The following FTO variants were observed in gnomAD, a reference collection of about 807,000 sequenced individuals.
The protein encoded by FTO is alpha-ketoglutarate-dependent dioxygenase FTO.
FTO carries 47 observed loss-of-function variants against 63.9 expected under a neutral mutation model. The ratio of observed to expected loss-of-function variants is 0.74; its 90% CI spans 0.58 to 0.94. The LOEUF is 0.94. Ranked by LOEUF, FTO falls within the 40% of genes least tolerant of loss-of-function variation. The pLI is 0.00. For missense variants in FTO, 562 were observed against 618.1 expected (o/e 0.91, Z 0.96); for synonymous variants, 207 against 224.4 (o/e 0.92, Z 0.69).
chr16:54,062,673 C>T (rs1382404753), intron 8 of FTO, among the ~76,000 whole-genome samples: 1 of 152,156 alleles, frequency 6.6e-6, no homozygotes, highest in Non-Finnish European at 1.5e-5. Context: ...GAGGTAGTGT[C>T]ACTCTGTTTC....
At chr16:53,943,474 CATTG>C (rs1305267210) in intron 8 of FTO, among the ~76,000 whole-genome samples, 1 of 152,100 alleles carries the variant, frequency 6.6e-6, no homozygotes, top group African/African-American at 2.4e-5. Flanking sequence ...TTTGAGAAAA[CATTG>C]ATTCATTTAT....
At chr16:53,928,506 G>A (rs1359891428) in intron 7 of FTO, among the ~76,000 whole-genome samples, 1 of 152,110 alleles carries the variant, frequency 6.6e-6, no homozygotes, top group Non-Finnish European at 1.5e-5. Flanking sequence ...CCTGTAAAAA[G>A]AATGCTCTTT....
intron 4 of FTO, among the ~76,000 whole-genome samples, chr16:53,858,542 C>T (rs1232761689): frequency 6.6e-6 from 1 of 152,168 alleles, no homozygotes; most frequent in African/African-American, 2.4e-5. Flanking sequence ...TACATAACTT[C>T]CCCTCTCCTT....
intron 1 of FTO, among the ~76,000 whole-genome samples, chr16:53,778,858 ATTTT>A (rs71863246): frequency 0.3 from 43,858 of 144,096 alleles, 7,799 homozygotes; most frequent in Non-Finnish European, 0.41. Flanking sequence ...GTGATTGTGG[ATTTT>A]TTTTTTTTTT....
chr16:54,086,284 GA>G (rs1385833230), intron 8 of FTO, among the ~76,000 whole-genome samples: 3 of 152,272 alleles, frequency 2.0e-5, no homozygotes, highest in Non-Finnish European at 4.4e-5. Context: ...TCCAGCCACA[GA>G]AAAACACAAG....
intron 8 of FTO, among the ~76,000 whole-genome samples, chr16:54,097,587 G>A (rs1195515123): frequency 6.6e-6 from 1 of 152,194 alleles, no homozygotes; most frequent in African/African-American, 2.4e-5. Flanking sequence ...ATACAATTCA[G>A]ATGCAAGATG....
intron 1 of FTO, among the ~76,000 whole-genome samples, chr16:53,712,814 G>C (rs2075806312): frequency 6.6e-6 from 1 of 152,120 alleles, no homozygotes; most frequent in Admixed American, 6.5e-5. Flanking sequence ...TCCAGCATCT[G>C]TTATGTGATA....
rs141727218 is a variant in FTO at position 53,924,445 on chromosome 16, T to C, written c.1240-9540T>C. On this transcript the variant is annotated intron_variant, in intron 7 of 8. Transcript: ENST00000471389. ...TGGTGAACTCTGCGGAGATGTTCAGTCAAATAAAGTGGGTCTTTGAGATGA... is the reference window on the plus strand; with the variant it reads ...TGGTGAACTCTGCGGAGATGTTCAGCCAAATAAAGTGGGTCTTTGAGATGA... 8.8e-4 allele frequency among the ~76,000 whole-genome samples: 134 copies of C among 152,252 alleles called. 1 individual carries two copies. Among genetic ancestry groups the C allele is most frequent in the African/African-American group, 3.1e-3 (130 of 41,528 alleles).
intron 7 of FTO, among the ~76,000 whole-genome samples, chr16:53,896,223 G>GA (rs535409078): frequency 1.3e-3 from 203 of 151,974 alleles, no homozygotes; most frequent in African/African-American, 4.6e-3. Flanking sequence ...TATGAATTAA[G>GA]AAACCCTGGT....
chr16:53,855,701 T>C (rs1438496797), intron 4 of FTO, among the ~76,000 whole-genome samples: 1 of 152,214 alleles, frequency 6.6e-6, no homozygotes, highest in African/African-American at 2.4e-5. Flanking sequence ...AGACAGAATT[T>C]AGAATCTTCC....
chr16:54,040,942 C>T (rs990061681), intron 8 of FTO, among the ~76,000 whole-genome samples: 5 of 152,162 alleles, frequency 3.3e-5, no homozygotes, highest in African/African-American at 1.2e-4. Flanking sequence ...AGGCTTCTCC[C>T]CATTTTATTC....
intron 8 of FTO, among the ~76,000 whole-genome samples, chr16:54,054,360 G>A (rs533259193): frequency 1.3e-5 from 2 of 152,180 alleles, no homozygotes; most frequent in East Asian, 1.9e-4. Flanking sequence ...GAAGGTGAAC[G>A]CGTGTGAAAT....
intron 7 of FTO, among the ~76,000 whole-genome samples, chr16:53,891,222 C>A (rs554643200): frequency 6.6e-5 from 10 of 152,000 alleles, no homozygotes; most frequent in African/African-American, 2.4e-4. Context: ...CAACTCCTGA[C>A]CTCAGGTGAT....
At chr16:53,819,295 A>G (rs8050124) in intron 2 of FTO, among the ~76,000 whole-genome samples, 117,055 of 151,770 alleles carry the variant, frequency 0.77, 45,196 homozygotes, top group African/African-American at 0.83. Context: ...TCAGCTGCCC[A>G]AGTAGCTGGG....
At chr16:53,987,532 G>A (rs1454635366) in intron 8 of FTO, among the ~76,000 whole-genome samples, 3 of 149,676 alleles carry the variant, frequency 2.0e-5, no homozygotes, top group South Asian at 2.1e-4. Context: ...ACAGTGAACC[G>A]AGATTGCGCC....
At chr16:53,988,224 A>G (rs2083718642) in intron 8 of FTO, among the ~76,000 whole-genome samples, 1 of 152,248 alleles carries the variant, frequency 6.6e-6, no homozygotes, top group Admixed American at 6.5e-5. Flanking sequence ...TAGCATCAAT[A>G]AAAATATTTT....
chr16:54,078,280 T>C (rs2086049321), intron 8 of FTO, among the ~76,000 whole-genome samples: 2 of 150,224 alleles, frequency 1.3e-5, no homozygotes. Context: ...AAAGGATATG[T>C]TACTAAAATG....
chr16:53,797,229 A>G (rs2078100579), intron 1 of FTO, among the ~76,000 whole-genome samples: 1 of 152,214 alleles, frequency 6.6e-6, no homozygotes, highest in Non-Finnish European at 1.5e-5. Context: ...AGAGTGGTAC[A>G]TCTGCTACAC....
intron 8 of FTO, among the ~76,000 whole-genome samples, chr16:53,950,161 A>AAAAAAAAAAAAACAAAAAAAAAAAAAAC (rs2082746631): frequency 8.1e-6 from 1 of 123,602 alleles, no homozygotes; most frequent in Admixed American, 8.0e-5. Flanking sequence ...TTTGTAAAAA[A>AAAAAAAAAAAAACAAAAAAAAAAAAAAC]AAAAAAAAAA....
Sources: gnomAD v4.1 joint callset for allele counts (sites outside exome capture counted in the v4.1 genomes callset) on GRCh38, gnomAD v4.1.1 for gene constraint, MANE v1.5 for transcripts, NCBI Gene and HGNC (gene_info 2026-07-23, HGNC 2026-07-21) for gene names.